Variants in RNF217 observed in about 807,000 individuals in gnomAD.
RNF217 encodes the protein ring finger protein 217, also known as E3 ubiquitin-protein ligase RNF217.
A neutral mutation model predicts 57.8 loss-of-function variants in RNF217; 31 were observed. The ratio of observed to expected loss-of-function variants is 0.54; its 90% CI spans 0.40 to 0.72. RNF217 has a LOEUF of 0.72. Ranked by LOEUF, RNF217 falls within the 30% of genes least tolerant of loss-of-function variation. RNF217 has a pLI of 0.00. For synonymous variants in RNF217, 313 were observed against 294.0 expected, an observed-to-expected ratio of 1.06 and a Z score of -0.66; for missense variants, 696 against 708.3, an observed-to-expected ratio of 0.98 and a Z score of 0.20.
At chr6:125,055,167 CT>C (rs1326374910) in intron 2 of RNF217, among the ~76,000 whole-genome samples, 2 of 152,198 alleles carry the variant, frequency 1.3e-5, no homozygotes, top group East Asian at 3.9e-4. Context: ...GCTATTAGTC[CT>C]TTTATGGTTT....
intron 1 of RNF217, among the ~76,000 whole-genome samples, chr6:125,010,498 A>T (rs1307399898): frequency 2.6e-5 from 4 of 152,198 alleles, no homozygotes; most frequent in Non-Finnish European, 5.9e-5. Context: ...GCAGATTTGG[A>T]TGTCTATACC....
chr6:125,045,897 G>T (rs2114536591), intron 2 of RNF217, among the ~76,000 whole-genome samples: 1 of 152,078 alleles, frequency 6.6e-6, no homozygotes, highest in Non-Finnish European at 1.5e-5. Context: ...GCTAGGCAGT[G>T]TGCTAAATTT....
intron 3 of RNF217, among the ~76,000 whole-genome samples, chr6:125,069,695 A>G (rs1582774005): frequency 6.6e-6 from 1 of 152,176 alleles, no homozygotes; most frequent in Non-Finnish European, 1.5e-5. Flanking sequence ...CTGTAGTTCT[A>G]AGTTCTTTGA....
At chr6:125,020,626 A>T (rs1785800067) in intron 1 of RNF217, among the ~76,000 whole-genome samples, 1 of 152,132 alleles carries the variant, frequency 6.6e-6, no homozygotes, top group Non-Finnish European at 1.5e-5. Context: ...TGCCAAGTAA[A>T]CATCTGTTCC....
rs1366375311 is a variant in RNF217, at chr6:125,090,036, T to C, written c.*7099T>C. On this transcript the variant is annotated 3_prime_UTR_variant, in exon 6 of 6. Coordinates refer to ENST00000521654, the MANE Select transcript of RNF217 (RefSeq NM_001286398.3). ...ACAAGAAACCCTTCTAAGACCCATT[T>C]TTTTAAGTGTCATATGGCAACTCCT... is the stretch of plus-strand genomic sequence containing the variant. The C allele has an allele frequency of 6.6e-6, 1 of 152,130 alleles. No individual in the cohort carries two copies. The highest frequency in any genetic ancestry group is 1.5e-5 in the Non-Finnish European group (1 of 68,018). 9.4% of individuals were successfully genotyped at this position (152,130 alleles called of 1,614,324 possible). A position where few individuals can be genotyped will look rare whatever the true frequency, so the allele number is the denominator to read the frequency against.
chr6:125,073,129 A>G (rs1788213917), intron 3 of RNF217, among the ~76,000 whole-genome samples: 1 of 152,216 alleles, frequency 6.6e-6, no homozygotes, highest in African/African-American at 2.4e-5. Flanking sequence ...TATATAGTCA[A>G]AAAGTTGAAT....
In RNF217 at chr6:124,963,277, T is replaced by C; in HGVS notation, c.733T>C (p.Tyr245His). The C allele has an allele frequency of 6.5e-7, 1 of 1,535,948 alleles. No homozygotes were observed. The highest frequency in any genetic ancestry group is 8.7e-7 in the Non-Finnish European group (1 of 1,146,818). The change falls in exon 1 of 6, where the codon TAC becomes CAC. Residue 245 changes from tyrosine to histidine, a missense_variant. Tyr to His is a moderately conservative substitution (Grantham distance 83). Coordinates refer to ENST00000521654, the MANE Select transcript of RNF217 (RefSeq NM_001286398.3). ...GCCCAGCCTGTTGGGAGCTCCACCCTACTCTGGCCTGGGCGGTGTAGGGGA... is the reference window on the plus strand; with the variant it reads ...GCCCAGCCTGTTGGGAGCTCCACCCCACTCTGGCCTGGGCGGTGTAGGGGA... ...SMPSLLGAPP[Y>H]SGLGGVGDPY...
intron 1 of RNF217, among the ~76,000 whole-genome samples, chr6:124,998,812 GTGTAGTAATATTT>G (rs750145380): frequency 1.3e-5 from 2 of 152,062 alleles, no homozygotes; most frequent in African/African-American, 2.4e-5. Flanking sequence ...AACAAAAATT[GTGTAGTAATATTT>G]TGTCAACATA....
At chr6:124,975,220 A>C (rs990515354) in intron 1 of RNF217, among the ~76,000 whole-genome samples, 2 of 152,218 alleles carry the variant, frequency 1.3e-5, no homozygotes, top group African/African-American at 4.8e-5. Flanking sequence ...GTATGTGGCA[A>C]GTTTAATCAC....
Position 124,962,776 on chromosome 6 carries a change from T to C in RNF217, c.232T>C (p.Trp78Arg), listed in dbSNP as rs1783337276. 4 of 1,595,606 alleles carry C rather than the reference T, an allele frequency of 2.5e-6. No homozygotes were observed. Among genetic ancestry groups the C allele is most frequent in the African/African-American group, 2.7e-5 (2 of 74,748 alleles). The stretch of plus-strand genomic sequence containing the variant: ...CGCGAGGAGCCTGGGGCCCCCGGGC[T>C]GGAGTAAGAGCCGAGCACCGGCGCA... ...EPARSLGPPG[W>R]SKSRAPAQPA... is the part of the protein sequence containing the mutation. The change falls in exon 1 of 6, where the codon TGG becomes CGG. Residue 78 changes from tryptophan to arginine, a missense_variant. Around this residue, in one of 2 missense-constraint regions of RNF217, gnomAD observed 465 missense variants for 386.8 expected, o/e 1.20. Transcript: ENST00000521654. The surrounding 1 kb of genome is among the most constrained non-coding windows in gnomAD (Gnocchi z 4.6).
intron 1 of RNF217, among the ~76,000 whole-genome samples, chr6:124,964,975 C>A (rs1363700565): frequency 6.6e-6 from 1 of 152,166 alleles, no homozygotes; most frequent in Non-Finnish European, 1.5e-5. Context: ...TCCAGAAATT[C>A]AAGGGAGGTA....
In RNF217 at chr6:125,091,619, G is replaced by A. The variant is rs984262198; in HGVS notation, c.*8682G>A. 7 of 151,580 alleles carry A rather than the reference G, an allele frequency of 4.6e-5. No individual in the cohort carries two copies. The highest frequency in any genetic ancestry group is 1.0e-4 in the Non-Finnish European group (7 of 67,870). The allele number at this position is 151,580 out of a possible 1,614,324, so 9.4% of individuals were successfully genotyped here. A position where few individuals can be genotyped will look rare whatever the true frequency, so the allele number is the denominator to read the frequency against. On this transcript the variant is annotated 3_prime_UTR_variant, in exon 6 of 6. Transcript: ENST00000521654. ...TAAAACCATAAAAAATGCTAATTAAGTTTAGAACAGGAGTTGAAATGACTC... is the reference window on the plus strand; with the variant it reads ...TAAAACCATAAAAAATGCTAATTAAATTTAGAACAGGAGTTGAAATGACTC...
At chr6:125,050,985 A>G (rs560739) in intron 2 of RNF217, among the ~76,000 whole-genome samples, 99,411 of 151,714 alleles carry the variant, frequency 0.66, 34,800 homozygotes, top group African/African-American at 0.89. Context: ...TTGAAAAAAC[A>G]TATAACACTC....
intron 1 of RNF217, among the ~76,000 whole-genome samples, chr6:125,033,440 C>A (rs1197412120): frequency 7.7e-6 from 1 of 130,516 alleles, no homozygotes; most frequent in Non-Finnish European, 1.7e-5. Context: ...TGAGAACATG[C>A]GGTGTTTGGT....
chr6:125,024,120 CAA>C (rs1201687985), intron 1 of RNF217, among the ~76,000 whole-genome samples: 1 of 152,130 alleles, frequency 6.6e-6, no homozygotes, highest in African/African-American at 2.4e-5. Context: ...CAAAATGAAA[CAA>C]AGAGTACTCC....
chr6:124,973,179 A>G (rs1453914169), intron 1 of RNF217, among the ~76,000 whole-genome samples: 1 of 152,202 alleles, frequency 6.6e-6, no homozygotes, highest in Non-Finnish European at 1.5e-5. Flanking sequence ...ATTGCTTCAC[A>G]TAGAGATCCC....
intron 1 of RNF217, among the ~76,000 whole-genome samples, chr6:125,026,347 G>A (rs990236123): frequency 3.3e-5 from 5 of 152,088 alleles, no homozygotes; most frequent in Non-Finnish European, 7.4e-5. Context: ...TTGGGATCCT[G>A]GTAGGGTCTT....
chr6:125,071,334 C>T (rs765245379), intron 3 of RNF217, among the ~76,000 whole-genome samples: 3 of 152,084 alleles, frequency 2.0e-5, no homozygotes, highest in Non-Finnish European at 4.4e-5. Context: ...GGCAGTCACC[C>T]GTGCCATCAC....
chr6:124,971,082 G>A (rs976441588), intron 1 of RNF217, among the ~76,000 whole-genome samples: 2 of 152,178 alleles, frequency 1.3e-5, no homozygotes, highest in African/African-American at 2.4e-5. Flanking sequence ...GAGGGAACTC[G>A]AGGTTAGAGA....
Sources: gnomAD v4.1 joint callset for allele counts (sites outside exome capture counted in the v4.1 genomes callset) on GRCh38, gnomAD v4.1.1 for gene constraint, gnomAD v4.1.1 regional missense constraint, Gnocchi (gnomAD v3.1) non-coding constraint, MANE v1.5 for transcripts, NCBI Gene and HGNC (gene_info 2026-07-23, HGNC 2026-07-21) for gene names.